FAM200A: variants seen among roughly 807,000 people sequenced by gnomAD.
The protein encoded by FAM200A is ZBED8 like, also known as protein FAM200A.
In FAM200A, 26 loss-of-function variants were observed where a neutral mutation model predicts 44.2. The observed-to-expected ratio is 0.59, with a 90% confidence interval of 0.43 to 0.82. The LOEUF is 0.82. Among genes scored for constraint, FAM200A ranks in the 40% least tolerant of loss-of-function variants. The probability of loss-of-function intolerance (pLI) is 0.00; values close to 1 mark genes in which losing one functional copy is unlikely to be tolerated. For synonymous variants in FAM200A, 206 were observed against 244.4 expected (o/e 0.84, Z 1.47); for missense variants, 606 against 669.5 (o/e 0.91, Z 1.05).
At chr7:99,550,936 G>T (rs1040748051) in intron 1 of FAM200A, among the ~76,000 whole-genome samples, 1 of 152,010 alleles carries the variant, frequency 6.6e-6, no homozygotes, top group African/African-American at 2.4e-5. Flanking sequence ...AATTAGCCGG[G>T]CATGGTGGCA....
At chr7:99,555,958 T>C (rs1036786199), upstream of FAM200A, among the ~76,000 whole-genome samples, 1 of 152,150 alleles carries the variant, frequency 6.6e-6, no homozygotes, top group Non-Finnish European at 1.5e-5. Context: ...GGTCACCTAA[T>C]ACATGTGTTG....
In FAM200A at chr7:99,547,224, C is replaced by G. The variant is rs1245996319; in HGVS notation, c.1184G>C (p.Ser395Thr). The G allele has an allele frequency of 1.8e-5, 28 of 1,551,118 alleles. No individual in the cohort carries two copies. In the East Asian group the frequency reaches 6.8e-4, roughly 38 times the overall value. The change falls in exon 2 of 2, where the codon AGC (serine) becomes ACC (threonine). Residue 395 changes from serine (S) to threonine (T), a missense_variant. Ser to Thr is a moderately conservative substitution (Grantham distance 58, BLOSUM62 1). Coordinates refer to ENST00000449309, the MANE Select transcript of FAM200A (RefSeq NM_145111.4). ...CAATAATGTTGGAAACATATAGTAG[C>G]TAGGGCGGTTACTTTTAAGTCTTGC... ...WQARLKSNRP[S>T]YYMFPTLLQH...
At chr7:99,553,093 A>ATTTTTTT (rs1450773459), upstream of FAM200A, among the ~76,000 whole-genome samples, 1 of 90,552 alleles carries the variant, frequency 1.1e-5, no homozygotes, top group Non-Finnish European at 1.9e-5. Context: ...ATATATATAT[A>ATTTTTTT]TATATATTTT....
chr7:99,553,099 ATTTTTT>A (rs576289512), upstream of FAM200A, among the ~76,000 whole-genome samples: 195 of 61,364 alleles, frequency 3.2e-3, no homozygotes, highest in African/African-American at 0.014. Context: ...ATATATATAT[ATTTTTT>A]TTTTTTTTTT....
upstream of FAM200A, among the ~76,000 whole-genome samples, chr7:99,555,041 T>C (rs551994231): frequency 6.6e-6 from 1 of 152,348 alleles, no homozygotes; most frequent in African/African-American, 2.4e-5. Flanking sequence ...GGTTGAATTG[T>C]ACCTCCACCT....
rs1423230978 is a variant in FAM200A, at chr7:99,547,374, G to C, written c.1034C>G (p.Ala345Gly). ...FEDDIWVTKL[A>G]YLSDIFGILN... ...AATGCCAAAAATATCACTTAAATAT[G>C]CCAATTTTGTTACCCAAATGTCGTC... The change falls in exon 2 of 2, where the codon GCA becomes GGA. Residue 345 changes from alanine to glycine, a missense_variant. Physicochemically the swap from Ala to Gly is moderately conservative, Grantham distance 60. Coordinates refer to ENST00000449309, the MANE Select transcript of FAM200A (RefSeq NM_145111.4). The C allele has an allele frequency of 2.2e-5, 34 of 1,549,458 alleles. No individual in the cohort carries two copies. Among genetic ancestry groups the C allele is most frequent in the Non-Finnish European group, 2.9e-5 (33 of 1,146,420 alleles).
At chr7:99,548,950 G>C (rs1357740772) in intron 1 of FAM200A, among the ~76,000 whole-genome samples, 1 of 117,258 alleles carries the variant, frequency 8.5e-6, no homozygotes, top group African/African-American at 3.2e-5. Context: ...CACGATCTCG[G>C]CTCACTGCAA....
At position 99,547,014 on chromosome 7, in the gene FAM200A, A is replaced by G. The variant is rs1445350659; in HGVS notation, c.1394T>C (p.Ile465Thr). The change falls in exon 2 of 2, where the codon ATT (isoleucine) becomes ACT (threonine). Residue 465 changes from isoleucine (I) to threonine (T), a missense_variant. By Grantham distance (89) the Ile-to-Thr change is moderately conservative. Coordinates refer to ENST00000449309, the MANE Select transcript of FAM200A (RefSeq NM_145111.4). ...PFAFQNPESI[I>T]ELNLEPEEEN... Reference sequence around the variant, plus strand: ...TTCTTCAGGCTCCAAGTTTAACTCAATTATTGATTCTGGGTTTTGAAAAGC... The same window carrying G: ...TTCTTCAGGCTCCAAGTTTAACTCAGTTATTGATTCTGGGTTTTGAAAAGC... 1.9e-6 allele frequency: 3 copies of G among 1,549,406 alleles called. No individual in the cohort carries two copies. The highest frequency in any genetic ancestry group is 8.7e-7 in the Non-Finnish European group (1 of 1,146,622).
upstream of FAM200A, among the ~76,000 whole-genome samples, chr7:99,555,663 C>T (rs1249740218): frequency 6.6e-6 from 1 of 152,102 alleles, no homozygotes; most frequent in Non-Finnish European, 1.5e-5. Flanking sequence ...AATCCCAGCA[C>T]TTTGGGAGGC....
chr7:99,546,607 C>T lies in FAM200A; in HGVS notation c.*79G>A, dbSNP rs1045560018. 7.1e-7 allele frequency: 1 copy of T among 1,402,132 alleles called. No homozygotes were observed. The allele number at this position is 1,402,132 out of a possible 1,614,324, so 86.9% of individuals were successfully genotyped here. On this transcript the variant is annotated 3_prime_UTR_variant, in exon 2 of 2. Coordinates refer to ENST00000449309, the MANE Select transcript of FAM200A (RefSeq NM_145111.4). ...TGGTCTTGAACTCAAGTGATCTGCCCACCTCGGTCTCCCACTGCTGGGATT... is the reference window on the plus strand; with the variant it reads ...TGGTCTTGAACTCAAGTGATCTGCCTACCTCGGTCTCCCACTGCTGGGATT...
At chr7:99,553,087 ATATATATATATATTT>A (rs1340093421), upstream of FAM200A, among the ~76,000 whole-genome samples, 42 of 100,430 alleles carry the variant, frequency 4.2e-4, 1 homozygote, top group African/African-American at 2.1e-3. Flanking sequence ...ATATATATAT[ATATATATATATATTT>A]TTTTTTTTTT....
chr7:99,558,365 G>A (rs1802770807), exon 1 of FAM200A: 1 of 152,200 alleles, frequency 6.6e-6, no homozygotes, highest in South Asian at 2.1e-4. Context: ...GAGGGGCCCA[G>A]GGGGCGCTTT....
chr7:99,552,744 G>C (rs1802564744), upstream of FAM200A, among the ~76,000 whole-genome samples: 2 of 152,008 alleles, frequency 1.3e-5, no homozygotes, highest in South Asian at 2.1e-4. Flanking sequence ...TGAATGGCTG[G>C]GGCATGACTC....
Position 99,547,959 on chromosome 7 carries a change from AT to A in FAM200A, c.448del (p.Ile150LeufsTer20). 6.4e-7 allele frequency: 1 copy of A among 1,551,376 alleles called. No individual in the cohort carries two copies. Among genetic ancestry groups the A allele is most frequent in the Non-Finnish European group, 8.7e-7 (1 of 1,146,994 alleles). On this transcript the variant is annotated frameshift_variant, in exon 2 of 2. Transcript: ENST00000449309. LOFTEE classifies it high-confidence loss of function. ...AACCAAGAGTGTGGGACAACTTGCAATATCAGTGCTCTCATCGAGTTGGATT... is the reference window on the plus strand; with the variant it reads ...AACCAAGAGTGTGGGACAACTTGCAAATCAGTGCTCTCATCGAGTTGGATT... Reference protein sequence around the residue: ...FAIQLDESTDIASCPTLLVYV... With the variant: ...FAIQLDESTDXASCPTLLVYV...
chr7:99,548,280 A>C lies in FAM200A; in HGVS notation c.128T>G (p.Val43Gly), dbSNP rs544598864. ...EDHFQKERNK[V>G]ESSPQVLSRS... ...ACTGAGAACTTGTGGCGATGACTCTACTTTGTTTCTTTCCTTTTGAAAATG... is the reference window on the plus strand; with the variant it reads ...ACTGAGAACTTGTGGCGATGACTCTCCTTTGTTTCTTTCCTTTTGAAAATG... Residue 43 changes from valine (V) to glycine (G), a missense_variant, in exon 2 of 2, where the codon GTA (valine) becomes GGA (glycine). By Grantham distance (109) the Val-to-Gly change is moderately radical. Transcript: ENST00000449309. The C allele has an allele frequency of 1.1e-5, 18 of 1,614,072 alleles. No individual in the cohort carries two copies. The South Asian group carries it at 1.9e-4, about 17-fold the overall frequency.
chr7:99,549,177 T>TTTTTTTTTTTTTTTTTTTTTTTG (rs1554394154), intron 1 of FAM200A, among the ~76,000 whole-genome samples: 21 of 147,728 alleles, frequency 1.4e-4, no homozygotes, highest in South Asian at 6.9e-4. Context: ...TTGTATTTCT[T>TTTTTTTTTTTTTTTTTTTTTTTG]AAAAATAAGA....
chr7:99,547,888 A>G lies in FAM200A; in HGVS notation c.520T>C (p.Cys174Arg), dbSNP rs779095056. 212 of 1,551,214 alleles carry G rather than the reference A, an allele frequency of 1.4e-4. No individual in the cohort carries two copies. Among genetic ancestry groups the G allele is most frequent in the Non-Finnish European group, 1.8e-4 (201 of 1,146,990 alleles). ...WQDDFVEDLL[C>R]CLNLNSHITG... Reference sequence around the variant, plus strand: ...ATATGTGAATTTAAATTTAAACAACATAAGAGATCCTCTACAAAATCATCT... The same window carrying G: ...ATATGTGAATTTAAATTTAAACAACGTAAGAGATCCTCTACAAAATCATCT... The change falls in exon 2 of 2, where the codon TGT (cysteine) becomes CGT (arginine). Residue 174 changes from cysteine to arginine, a missense_variant. Physicochemically the swap from Cys to Arg is radical, Grantham distance 180. Transcript: ENST00000449309.
upstream of FAM200A, among the ~76,000 whole-genome samples, chr7:99,553,064 C>CATGTATATATATATAA (rs1802582247): frequency 1.4e-5 from 1 of 70,536 alleles, no homozygotes; most frequent in African/African-American, 9.4e-5. Context: ...TATATATATA[C>CATGTATATATATATAA]ACACACATAT....
At chr7:99,553,048 C>CATAT (rs1562927014), upstream of FAM200A, among the ~76,000 whole-genome samples, 1 of 124,488 alleles carries the variant, frequency 8.0e-6, no homozygotes, top group African/African-American at 3.4e-5. Context: ...TATATACACA[C>CATAT]ACATATATAT....
Sources: allele counts gnomAD v4.1 joint callset (sites outside exome capture counted in the v4.1 genomes callset), GRCh38; gene constraint gnomAD v4.1.1; transcripts MANE v1.5; gene names NCBI Gene and HGNC (gene_info 2026-07-23, HGNC 2026-07-21).